The following LRRK2 variants were observed in gnomAD, a reference collection of about 807,000 sequenced individuals.
LRRK2 encodes the protein leucine-rich repeat serine/threonine-protein kinase 2.
In LRRK2, 203 loss-of-function variants were observed where a neutral mutation model predicts 302.6. The ratio of observed to expected loss-of-function variants is 0.67; its 90% CI spans 0.60 to 0.75. The LOEUF is 0.75. Ranked by LOEUF, LRRK2 falls within the 30% of genes least tolerant of loss-of-function variation. The probability of loss-of-function intolerance (pLI) is 0.00; values close to 1 mark genes in which losing one functional copy is unlikely to be tolerated. For synonymous variants in LRRK2, 1,066 were observed against 1,031.9 expected, an observed-to-expected ratio of 1.03 and a Z score of -0.63; for missense variants, 2,830 against 2,951.0, an observed-to-expected ratio of 0.96 and a Z score of 0.95.
At chr12:40,259,398 C>T in intron 12 of LRRK2, 82 bp from the exon 13 acceptor site, 2 of 1,555,420 alleles carry the variant, frequency 1.3e-6, no homozygotes, top group Middle Eastern at 1.7e-4. Context: ...TGGTTCTGCC[C>T]TCCTGTACTT....
intron 12 of LRRK2, 54 bp from the exon 13 acceptor site, chr12:40,259,426 A>G (rs1455409268): frequency 1.2e-6 from 2 of 1,608,924 alleles, no homozygotes; most frequent in South Asian, 1.1e-5. Flanking sequence ...TTTGGTGTTT[A>G]TACCATTGAA....
At chr12:40,352,487 C>T (rs1224813598) in intron 44 of LRRK2, among the ~76,000 whole-genome samples, 99 of 19,814 alleles carry the variant, frequency 5.0e-3, no homozygotes, top group Non-Finnish European at 9.0e-3. Context: ...TTTAATTGAT[C>T]ATTCTTGGGT....
intron 12 of LRRK2, 92 bp from the exon 13 acceptor site, chr12:40,259,388 T>A (rs775865848): frequency 6.8e-7 from 1 of 1,467,184 alleles, no homozygotes; most frequent in East Asian, 2.3e-5. Context: ...TAAAATATAT[T>A]GGTTCTGCCC....
At chr12:40,358,838 T>G (rs1323208266) in intron 46 of LRRK2, among the ~76,000 whole-genome samples, 1 of 152,216 alleles carries the variant, frequency 6.6e-6, no homozygotes, top group African/African-American at 2.4e-5. Context: ...ACAATATTAA[T>G]TCTTCCAGTC....
rs762890407 is a variant in LRRK2, at chr12:40,323,297, T to C, written c.5647T>C (p.Phe1883Leu). The part of the protein sequence containing the change: ...DELEFEQAPE[F>L]LLGDGSFGSV... ...GTTGGAATTTGAACAAGCTCCAGAGTTTCTCCTAGGTAATTCTTTTTGTTA... is the reference window on the plus strand; with the variant it reads ...GTTGGAATTTGAACAAGCTCCAGAGCTTCTCCTAGGTAATTCTTTTTGTTA... Residue 1883 changes from phenylalanine to leucine, a missense_variant, in exon 38 of 51, where the codon TTT becomes CTT. By Grantham distance (22) the Phe-to-Leu change is conservative (BLOSUM62 0). Coordinates refer to ENST00000298910, the MANE Select transcript of LRRK2 (RefSeq NM_198578.4). 2 of 1,611,738 alleles carry C rather than the reference T, an allele frequency of 1.2e-6. No individual in the cohort carries two copies. Among genetic ancestry groups the C allele is most frequent in the Non-Finnish European group, 8.5e-7 (1 of 1,178,720 alleles).
chr12:40,245,829 G>A (rs921125501), intron 7 of LRRK2, among the ~76,000 whole-genome samples: 16 of 151,764 alleles, frequency 1.1e-4, no homozygotes, highest in Non-Finnish European at 1.9e-4. Flanking sequence ...TAAACTCTTC[G>A]TTAATTCTGA....
intron 45 of LRRK2, among the ~76,000 whole-genome samples, chr12:40,354,846 AT>A (rs1391588591): frequency 8.2e-3 from 77 of 9,376 alleles, no homozygotes; most frequent in Admixed American, 0.026. Context: ...AAAAAAAAAT[AT>A]ATATATATAT....
intron 49 of LRRK2, chr12:40,366,693 A>C (rs1206026256): frequency 3.3e-6 from 1 of 302,580 alleles, no homozygotes; most frequent in African/African-American, 2.2e-5. Context: ...CTTTTCACAC[A>C]CATTACCTCG....
At position 40,302,867 on chromosome 12, in the gene LRRK2, T is replaced by TTTTAAATC; in HGVS notation, c.3578_3585dup (p.Pro1196Ter). Reference sequence around the variant, plus strand: ...AAATTTTCCTGTATTCCAGAAGCAATTTTAAATCTTCCACAGTAAGTTTAT... The same window carrying TTTTAAATC: ...AAATTTTCCTGTATTCCAGAAGCAATTTTAAATCTTTAAATCTTCCACAGTAAGTTTAT... On this transcript the variant is annotated frameshift_variant, in exon 26 of 51. Transcript: ENST00000298910. LOFTEE classifies it high-confidence loss of function. The TTTTAAATC allele has an allele frequency of 6.3e-7, 1 of 1,584,978 alleles. No homozygotes were observed. Among genetic ancestry groups the TTTTAAATC allele is most frequent in the Non-Finnish European group, 8.7e-7 (1 of 1,153,946 alleles).
intron 2 of LRRK2, among the ~76,000 whole-genome samples, chr12:40,230,489 G>A (rs1179069254): frequency 2.0e-5 from 3 of 152,044 alleles, no homozygotes; most frequent in South Asian, 2.1e-4. Context: ...TCTCCTCACC[G>A]CTCATCCGTT....
intron 29 of LRRK2, 52 bp from the exon 30 acceptor site, chr12:40,309,054 T>G: frequency 6.3e-7 from 1 of 1,598,652 alleles, no homozygotes; most frequent in Non-Finnish European, 8.5e-7. Context: ...AAAAAAGGAT[T>G]CTTGCCTGTC....
In LRRK2 at chr12:40,264,287, T is replaced by C. The variant is rs1057441293; in HGVS notation, c.1656+386T>C. On this transcript the variant is annotated intron_variant, in intron 14 of 50. Transcript: ENST00000298910. ...TACTTGTCTTTCTTTTCTGGTCTCATAGTATATGGTTTAGCCCATGAAGAC... is the reference window on the plus strand; with the variant it reads ...TACTTGTCTTTCTTTTCTGGTCTCACAGTATATGGTTTAGCCCATGAAGAC... 3.3e-5 allele frequency among the ~76,000 whole-genome samples: 5 copies of C among 152,144 alleles called. No individual in the cohort carries two copies. In the South Asian group the frequency reaches 1.0e-3, roughly 32 times the overall value.
At chr12:40,262,411 T>C (rs1341215011) in intron 13 of LRRK2, among the ~76,000 whole-genome samples, 1 of 152,122 alleles carries the variant, frequency 6.6e-6, no homozygotes, top group African/African-American at 2.4e-5. Flanking sequence ...AGGCCTGATA[T>C]AACAGCACCA....
intron 48 of LRRK2, 33 bp downstream of exon 48, chr12:40,363,587 A>T (rs756663570): frequency 1.9e-6 from 3 of 1,603,830 alleles, no homozygotes; most frequent in South Asian, 1.1e-5. Flanking sequence ...TTATTCCCAA[A>T]AGAATTATCT....
chr12:40,300,843 A>C (rs1944597241), intron 25 of LRRK2: 1 of 471,072 alleles, frequency 2.1e-6, no homozygotes, highest in South Asian at 1.5e-5. Flanking sequence ...CCTCAGGGGA[A>C]TCTGATTCAG....
intron 33 of LRRK2, among the ~76,000 whole-genome samples, chr12:40,318,536 G>T (rs1287557911): frequency 1.3e-5 from 2 of 151,978 alleles, no homozygotes; most frequent in African/African-American, 4.8e-5. Flanking sequence ...GATTGACAGA[G>T]AGGTTGAATA....
chr12:40,352,333 T>C (rs1946377492), intron 44 of LRRK2, among the ~76,000 whole-genome samples: 1 of 152,162 alleles, frequency 6.6e-6, no homozygotes. Context: ...GATCTGGACA[T>C]GGCTCCTAAA....
chr12:40,352,484 G>T (rs374379653), intron 44 of LRRK2, among the ~76,000 whole-genome samples: 149 of 20,414 alleles, frequency 7.3e-3, no homozygotes, highest in Non-Finnish European at 0.015. Flanking sequence ...TTTTTTAATT[G>T]ATCATTCTTG....
At position 40,287,504 on chromosome 12, in the gene LRRK2, G is replaced by A. The variant is rs751078187; in HGVS notation, c.2654G>A (p.Ser885Asn). ...WTFIPDSSMD[S>N]VFAQSDDLDS... ...TTTATTCCTGACTCTTCTATGGACAGTGTGTTTGCTCAAAGTGATGACCTG... is the reference window on the plus strand; with the variant it reads ...TTTATTCCTGACTCTTCTATGGACAATGTGTTTGCTCAAAGTGATGACCTG... The change falls in exon 20 of 51, where the codon AGT becomes AAT. Residue 885 changes from serine (S) to asparagine (N), a missense_variant. Ser to Asn is a conservative substitution (Grantham distance 46). This residue lies in a region of LRRK2 where 2,121 missense variants were observed against 2,148.0 expected (regional missense o/e 0.99). Coordinates refer to ENST00000298910, the MANE Select transcript of LRRK2 (RefSeq NM_198578.4). 3 of 1,612,432 alleles carry A rather than the reference G, an allele frequency of 1.9e-6. No homozygotes were observed. In the East Asian group the frequency reaches 6.7e-5, roughly 36 times the overall value.
Sources: gnomAD v4.1 joint callset for allele counts (sites outside exome capture counted in the v4.1 genomes callset) on GRCh38, gnomAD v4.1.1 for gene constraint, gnomAD v4.1.1 regional missense constraint, MANE v1.5 for transcripts, NCBI Gene and HGNC (gene_info 2026-07-23, HGNC 2026-07-21) for gene names.